Variants in IL34 observed in about 807,000 individuals in gnomAD.
IL34 encodes the protein interleukin-34.
In IL34, 17 loss-of-function variants were observed where a neutral mutation model predicts 25.3. The observed-to-expected ratio is 0.67, with a 90% CI of 0.46 to 1.01. IL34 has a LOEUF of 1.01. Among genes scored for constraint, IL34 ranks in the 50% least tolerant of loss-of-function variants. The probability of loss-of-function intolerance (pLI) is 0.00; values close to 1 mark genes in which losing one functional copy is unlikely to be tolerated. For missense variants in IL34, 368 were observed against 312.9 expected (o/e 1.18, Z -1.33); for synonymous variants, 174 against 140.9 (o/e 1.23, Z -1.66).
chr16:70,625,850 A>G (rs1044874492), intron 1 of IL34, among the ~76,000 whole-genome samples: 2 of 152,204 alleles, frequency 1.3e-5, no homozygotes, highest in Non-Finnish European at 2.9e-5. Flanking sequence ...AAAAGAGAGT[A>G]AAAAGTGGCC....
At chr16:70,643,150 C>A (rs968613985), upstream of IL34, among the ~76,000 whole-genome samples, 5 of 152,202 alleles carry the variant, frequency 3.3e-5, no homozygotes, top group Non-Finnish European at 5.9e-5. Context: ...GCAACCTCTG[C>A]CTCCCGGGTT....
At chr16:70,627,138 T>A (rs2051411256) in intron 1 of IL34, among the ~76,000 whole-genome samples, 2 of 152,112 alleles carry the variant, frequency 1.3e-5, no homozygotes, top group Non-Finnish European at 2.9e-5. Flanking sequence ...CTAAAAAATA[T>A]ATTTTAATAT....
chr16:70,636,358 C>T (rs2051644527), intron 1 of IL34, among the ~76,000 whole-genome samples: 1 of 152,050 alleles, frequency 6.6e-6, no homozygotes, highest in Non-Finnish European at 1.5e-5. Flanking sequence ...TTTATACCTG[C>T]ATGTTTTCCT....
At chr16:70,589,582 T>C (rs1180643029) in intron 1 of IL34, among the ~76,000 whole-genome samples, 3 of 152,164 alleles carry the variant, frequency 2.0e-5, no homozygotes, top group Non-Finnish European at 4.4e-5. Flanking sequence ...TTCTTTTTTA[T>C]AGATGTGGTA....
chr16:70,636,202 C>T (rs2051639624), intron 1 of IL34, among the ~76,000 whole-genome samples: 1 of 152,000 alleles, frequency 6.6e-6, no homozygotes, highest in Non-Finnish European at 1.5e-5. Flanking sequence ...CCACGCCCAG[C>T]TAATTTTTGT....
At chr16:70,657,187 G>A (rs747483446) in intron 4 of IL34, 66 bp downstream of exon 4, 4 of 1,528,884 alleles carry the variant, frequency 2.6e-6, no homozygotes, top group Non-Finnish European at 3.6e-6. Context: ...ATGTGTGTGA[G>A]GTGTGGCCAA....
chr16:70,640,159 T>C (rs561173396), intron 1 of IL34, among the ~76,000 whole-genome samples: 8 of 152,262 alleles, frequency 5.3e-5, no homozygotes, highest in African/African-American at 1.9e-4. Flanking sequence ...TGTTTTGCTT[T>C]GAGACAGGGT....
chr16:70,580,916 AT>A (rs553621042), intron 1 of IL34, among the ~76,000 whole-genome samples: 199 of 144,146 alleles, frequency 1.4e-3, no homozygotes, highest in Admixed American at 1.4e-3. Flanking sequence ...TAAACTTTGC[AT>A]TTTTTTTTTT....
intron 1 of IL34, among the ~76,000 whole-genome samples, chr16:70,630,086 A>G (rs2051485038): frequency 6.6e-6 from 1 of 152,174 alleles, no homozygotes; most frequent in Admixed American, 6.5e-5. Flanking sequence ...GCACCCACAT[A>G]CAAGTGAAAA....
intron 1 of IL34, among the ~76,000 whole-genome samples, chr16:70,640,745 A>G (rs1429295192): frequency 2.0e-5 from 3 of 152,148 alleles, no homozygotes; most frequent in Non-Finnish European, 4.4e-5. Context: ...CTTTAAGCAT[A>G]CGGTTGGATA....
At chr16:70,599,062 C>T (rs1948965630) in intron 1 of IL34, among the ~76,000 whole-genome samples, 1 of 152,156 alleles carries the variant, frequency 6.6e-6, no homozygotes, top group South Asian at 2.1e-4. Context: ...TAGGGTCATG[C>T]ATGTTTTAAG....
At chr16:70,587,447 T>A (rs565669278) in intron 1 of IL34, among the ~76,000 whole-genome samples, 28 of 152,044 alleles carry the variant, frequency 1.8e-4, no homozygotes, top group Admixed American at 6.6e-4. Context: ...TTTTTTATAT[T>A]TTTTTAGTAG....
chr16:70,584,942 CT>C (rs2050674632), intron 1 of IL34, among the ~76,000 whole-genome samples: 1 of 152,146 alleles, frequency 6.6e-6, no homozygotes, highest in Admixed American at 6.5e-5. Flanking sequence ...CTCAGGCAAT[CT>C]GCCCGCTTTG....
chr16:70,618,422 C>A (rs2051208829), intron 1 of IL34, among the ~76,000 whole-genome samples: 1 of 152,022 alleles, frequency 6.6e-6, no homozygotes, highest in Non-Finnish European at 1.5e-5. Context: ...GTGAGTATAG[C>A]TGAAGGAGCC....
intron 1 of IL34, among the ~76,000 whole-genome samples, chr16:70,649,227 A>G (rs887925144): frequency 6.6e-6 from 1 of 152,252 alleles, no homozygotes. Context: ...CAGCTCCTGC[A>G]GAGCAGGGCT....
intron 1 of IL34, among the ~76,000 whole-genome samples, chr16:70,591,605 T>C (rs1003467641): frequency 2.0e-5 from 3 of 149,554 alleles, no homozygotes; most frequent in African/African-American, 7.4e-5. Flanking sequence ...GCCCTCACCG[T>C]CCTCCCACCC....
At chr16:70,596,233 G>T (rs909202017) in intron 1 of IL34, among the ~76,000 whole-genome samples, 1 of 152,096 alleles carries the variant, frequency 6.6e-6, no homozygotes, top group African/African-American at 2.4e-5. Context: ...CATTCAAAAG[G>T]CCCACCATCA....
intron 1 of IL34, among the ~76,000 whole-genome samples, chr16:70,634,020 T>C (rs2051581328): frequency 1.3e-5 from 2 of 152,048 alleles, no homozygotes; most frequent in Non-Finnish European, 2.9e-5. Context: ...CCAGCTAATT[T>C]TTGTATTTTT....
intron 1 of IL34, among the ~76,000 whole-genome samples, chr16:70,592,056 C>A (rs138855616): frequency 2.0e-5 from 3 of 146,846 alleles, no homozygotes; most frequent in Admixed American, 6.8e-5. Flanking sequence ...GGCATGGGGG[C>A]GGCGGGGAGG....
Sources: allele counts gnomAD v4.1 joint callset (sites outside exome capture counted in the v4.1 genomes callset), GRCh38; gene constraint gnomAD v4.1.1; transcripts MANE v1.5; gene names NCBI Gene and HGNC (gene_info 2026-07-23, HGNC 2026-07-21).